The following CACNA2D2 variants were observed in gnomAD, a reference collection of about 807,000 sequenced individuals.
CACNA2D2 encodes the protein calcium voltage-gated channel auxiliary subunit alpha2delta 2.
In CACNA2D2, 48 loss-of-function variants were observed where a neutral mutation model predicts 166.4. The observed-to-expected ratio is 0.29, with a 90% CI of 0.23 to 0.37. The LOEUF (loss-of-function observed/expected upper bound fraction) is 0.37, where lower values mean the gene tolerates loss of function less well. Ranked by LOEUF, CACNA2D2 falls within the 10% of genes least tolerant of loss-of-function variation. CACNA2D2 has a pLI of 1.00. For synonymous variants in CACNA2D2, 561 were observed against 573.7 expected (o/e 0.98, Z 0.32); for missense variants, 1,122 against 1,433.0 (o/e 0.78, Z 3.50).
At chr3:50,441,447 A>C (rs1708594893) in intron 2 of CACNA2D2, among the ~76,000 whole-genome samples, 1 of 152,260 alleles carries the variant, frequency 6.6e-6, no homozygotes, top group Non-Finnish European at 1.5e-5. Flanking sequence ...TGTCATAAAA[A>C]GGCTCAATCT....
intron 5 of CACNA2D2, 119 bp downstream of exon 5, chr3:50,387,449 T>C (rs1705667916): frequency 1.2e-6 from 1 of 840,130 alleles, no homozygotes; most frequent in Non-Finnish European, 2.0e-6. Context: ...GTGGGGCCTG[T>C]GTCACCACGG....
Position 50,375,307 on chromosome 3 carries a change from T to C in CACNA2D2, c.1907+337A>G, listed in dbSNP as rs1404404057. ...CCGGCATTTCAGGATGGACTAGCTG[T>C]GTGGGGCAGGCAGAGGTCAGCCTGC... On this transcript the variant is annotated intron_variant, in intron 21 of 37. Transcript: ENST00000424201. This position sits in a 1 kb window ranked among gnomAD's most constrained non-coding sequence, Gnocchi z 4.0. Among the ~76,000 whole-genome samples, 1 of 152,142 alleles carries C rather than the reference T, an allele frequency of 6.6e-6. No homozygotes were observed. Among genetic ancestry groups the C allele is most frequent in the Non-Finnish European group, 1.5e-5 (1 of 68,020 alleles).
chr3:50,367,697 G>A lies in CACNA2D2; in HGVS notation c.2242C>T (p.Leu748=), dbSNP rs1559876176. 1 of 1,612,794 alleles carries A rather than the reference G, an allele frequency of 6.2e-7. No homozygotes were observed. The highest frequency in any genetic ancestry group is 2.2e-5 in the East Asian group (1 of 44,858). The change falls in exon 26 of 38, where the codon CTA becomes TTA. Residue 748 remains leucine, a synonymous_variant. Coordinates refer to ENST00000424201, the MANE Select transcript of CACNA2D2 (RefSeq NM_006030.4). This position sits in a 1 kb window ranked among gnomAD's most constrained non-coding sequence, Gnocchi z 6.5. ...TCTGTGGCAGCGAACACGGCCAGTAGGCTGTACCTGGGGGTAGCAGGGGGG... is the reference window on the plus strand; with the variant it reads ...TCTGTGGCAGCGAACACGGCCAGTAAGCTGTACCTGGGGGTAGCAGGGGGG... ...WRDQDLNTYS[L]LAVFAATDGG...
intron 2 of CACNA2D2, among the ~76,000 whole-genome samples, chr3:50,461,751 A>G (rs532542343): frequency 6.0e-4 from 83 of 137,292 alleles, no homozygotes; most frequent in African/African-American, 2.1e-3. Flanking sequence ...GTCTCAAAAA[A>G]AAAAAAAAAA....
At chr3:50,458,629 C>T (rs533237849) in intron 2 of CACNA2D2, among the ~76,000 whole-genome samples, 4 of 152,318 alleles carry the variant, frequency 2.6e-5, no homozygotes, top group East Asian at 1.9e-4. Context: ...TGGTGCCTGG[C>T]GAACTTTCTT....
At chr3:50,382,319 C>CA (rs1705364426) in intron 6 of CACNA2D2, among the ~76,000 whole-genome samples, 1 of 152,182 alleles carries the variant, frequency 6.6e-6, no homozygotes, top group Admixed American at 6.5e-5. Flanking sequence ...GGATCCCCAT[C>CA]AAAAATCTAC....
At chr3:50,394,192 T>C in intron 3 of CACNA2D2, 24 bp from the exon 4 acceptor site, 2 of 1,611,058 alleles carry the variant, frequency 1.2e-6, no homozygotes, top group Non-Finnish European at 8.5e-7. Flanking sequence ...CACAGGGAGG[T>C]CAGAAGCGGA....
Position 50,365,617 on chromosome 3 carries a change from C to A in CACNA2D2, c.2971+16G>T, listed in dbSNP as rs1314371291. 6.4e-7 allele frequency: 1 copy of A among 1,573,290 alleles called. No individual in the cohort carries two copies. ...GGGACCCGGACTTGAGGAGGCGCCTCCAAAGCCCTACCTACCTGCTTGGAA... is the reference window on the plus strand; with the variant it reads ...GGGACCCGGACTTGAGGAGGCGCCTACAAAGCCCTACCTACCTGCTTGGAA... On this transcript the variant is annotated intron_variant, in intron 34 of 37. Transcript: ENST00000424201. This position sits in a 1 kb window ranked among gnomAD's most constrained non-coding sequence, Gnocchi z 4.5.
At chr3:50,428,296 GGCTGACGCCCT>G (rs976709676) in intron 3 of CACNA2D2, among the ~76,000 whole-genome samples, 3 of 152,162 alleles carry the variant, frequency 2.0e-5, no homozygotes, top group African/African-American at 7.2e-5. Flanking sequence ...GCAGTGCCGA[GGCTGACGCCCT>G]GCTTTAGATA....
At chr3:50,429,837 G>A (rs1283561648) in intron 3 of CACNA2D2, among the ~76,000 whole-genome samples, 1 of 151,812 alleles carries the variant, frequency 6.6e-6, no homozygotes, top group African/African-American at 2.4e-5. Context: ...AAAACATCCT[G>A]ATGCCCCGCC....
At chr3:50,388,579 T>C (rs1223044103) in intron 4 of CACNA2D2, among the ~76,000 whole-genome samples, 1 of 152,240 alleles carries the variant, frequency 6.6e-6, no homozygotes, top group East Asian at 1.9e-4. Flanking sequence ...AGGGGCTGGC[T>C]GTGAAGTGGC....
chr3:50,364,660 G>C lies in CACNA2D2; in HGVS notation c.*6C>G, dbSNP rs374235053. On this transcript the variant is annotated 3_prime_UTR_variant, in exon 38 of 38. Transcript: ENST00000424201. Reference sequence around the variant, plus strand: ...GTGGGAGTGGAGGTGGGGTGGGGCAGGGTGCTCAGAGGCGGCGAGAGGCGT... The same window carrying C: ...GTGGGAGTGGAGGTGGGGTGGGGCACGGTGCTCAGAGGCGGCGAGAGGCGT... 61 of 1,515,532 alleles carry C rather than the reference G, an allele frequency of 4.0e-5. No homozygotes were observed. The highest frequency in any genetic ancestry group is 2.4e-4 in the African/African-American group (17 of 71,694). The allele number at this position is 1,515,532 out of a possible 1,614,324, so 93.9% of individuals were successfully genotyped here.
intron 2 of CACNA2D2, among the ~76,000 whole-genome samples, chr3:50,449,836 G>A (rs1317611050): frequency 6.6e-6 from 1 of 152,182 alleles, no homozygotes; most frequent in Non-Finnish European, 1.5e-5. Context: ...CCGGGCCCTA[G>A]GGACTGAGTA....
chr3:50,498,329 C>A (rs1698809849), intron 1 of CACNA2D2, among the ~76,000 whole-genome samples: 2 of 152,110 alleles, frequency 1.3e-5, no homozygotes, highest in South Asian at 2.1e-4. Flanking sequence ...AAGATCCTAG[C>A]CCTGTGAAGT....
chr3:50,387,662 A>G, intron 4 of CACNA2D2, 50 bp from the exon 5 acceptor site: 1 of 1,448,636 alleles, frequency 6.9e-7, no homozygotes, highest in Non-Finnish European at 9.6e-7. Flanking sequence ...GTCCCGAGAC[A>G]GACAGGACTC....
chr3:50,438,333 G>C (rs1175548555), intron 2 of CACNA2D2, among the ~76,000 whole-genome samples: 1 of 152,114 alleles, frequency 6.6e-6, no homozygotes, highest in Non-Finnish European at 1.5e-5. Context: ...CCCTCCCCCA[G>C]GGCTGGCTCT....
At chr3:50,462,695 T>C (rs1709645840) in intron 2 of CACNA2D2, among the ~76,000 whole-genome samples, 2 of 151,764 alleles carry the variant, frequency 1.3e-5, no homozygotes, top group African/African-American at 4.8e-5. Context: ...AGTAGCGACA[T>C]AAGTATGTCA....
At chr3:50,470,141 T>A (rs887647868) in intron 2 of CACNA2D2, among the ~76,000 whole-genome samples, 5 of 152,192 alleles carry the variant, frequency 3.3e-5, no homozygotes, top group African/African-American at 1.2e-4. Context: ...CTGCCAGGAC[T>A]CTAGGAGCCA....
Position 50,367,532 on chromosome 3 carries a change from G to A in CACNA2D2, c.2298-35C>T, listed in dbSNP as rs762947625. 3 of 1,610,234 alleles carry A rather than the reference G, an allele frequency of 1.9e-6. No individual in the cohort carries two copies. Among genetic ancestry groups the A allele is most frequent in the South Asian group, 1.1e-5 (1 of 90,972 alleles). On this transcript the variant is annotated intron_variant, in intron 26 of 37. Coordinates refer to ENST00000424201, the MANE Select transcript of CACNA2D2 (RefSeq NM_006030.4). The surrounding 1 kb of genome is among the most constrained non-coding windows in gnomAD (Gnocchi z 6.5). The stretch of plus-strand genomic sequence containing the variant: ...CCAAGAGGCAGACTGGTAGGTAAGG[G>A]GTGGCTTGTCGGGGACAGTGGTCTC...
Sources: allele counts gnomAD v4.1 joint callset (sites outside exome capture counted in the v4.1 genomes callset), GRCh38; gene constraint gnomAD v4.1.1; non-coding constraint Gnocchi (gnomAD v3.1); transcripts MANE v1.5; gene names NCBI Gene and HGNC (gene_info 2026-07-23, HGNC 2026-07-21).